GLIS3: variants seen among roughly 807,000 people sequenced by gnomAD.
The protein encoded by GLIS3 is zinc finger protein GLIS3.
A neutral mutation model predicts 78.6 loss-of-function variants in GLIS3; 53 were observed. The observed-to-expected ratio is 0.67, with a 90% CI of 0.54 to 0.85. GLIS3 has a LOEUF of 0.85. GLIS3 is among the 40% of genes least tolerant of loss of function. The pLI is 0.00. For synonymous variants in GLIS3, 684 were observed against 509.9 expected (o/e 1.34, Z -4.60); for missense variants, 1,703 against 1,231.1 (o/e 1.38, Z -5.74).
At chr9:4,073,572 A>G (rs1827796210) in intron 4 of GLIS3, among the ~76,000 whole-genome samples, 1 of 152,162 alleles carries the variant, frequency 6.6e-6, no homozygotes, top group African/African-American at 2.4e-5. Context: ...ACAGCTGCAA[A>G]GCAGAAACTC....
At chr9:4,227,858 C>T (rs368192808) in intron 2 of GLIS3, among the ~76,000 whole-genome samples, 43 of 152,360 alleles carry the variant, frequency 2.8e-4, no homozygotes, top group African/African-American at 8.2e-4. Context: ...AAATGTTCTT[C>T]ACTTCCCATT....
chr9:3,999,139 T>C (rs1396003712), intron 4 of GLIS3, among the ~76,000 whole-genome samples: 1 of 152,180 alleles, frequency 6.6e-6, no homozygotes, highest in Non-Finnish European at 1.5e-5. Flanking sequence ...AGCTTCATAG[T>C]ATTCAACTGT....
chr9:3,971,337 G>A (rs1818368987), intron 4 of GLIS3, among the ~76,000 whole-genome samples: 1 of 152,116 alleles, frequency 6.6e-6, no homozygotes, highest in Non-Finnish European at 1.5e-5. Flanking sequence ...TGGTGTCACT[G>A]GCACAAAGCA....
intron 4 of GLIS3, among the ~76,000 whole-genome samples, chr9:4,062,310 A>G (rs1564001172): frequency 1.3e-5 from 2 of 152,206 alleles, no homozygotes; most frequent in Non-Finnish European, 2.9e-5. Flanking sequence ...TCAGTTTCCC[A>G]TATTGAAAAT....
At chr9:4,335,309 T>A (rs1167446603) in intron 2 of GLIS3, among the ~76,000 whole-genome samples, 1 of 152,114 alleles carries the variant, frequency 6.6e-6, no homozygotes, top group Non-Finnish European at 1.5e-5. Context: ...TACCACAAAG[T>A]GAAATGAAGC....
intron 4 of GLIS3, among the ~76,000 whole-genome samples, chr9:4,069,028 T>C (rs1588594426): frequency 6.6e-6 from 1 of 152,154 alleles, no homozygotes; most frequent in Admixed American, 6.6e-5. Flanking sequence ...GGCTTGTTCA[T>C]GTCAGGCCAA....
chr9:3,978,670 T>A (rs969769282), intron 4 of GLIS3, among the ~76,000 whole-genome samples: 1 of 152,028 alleles, frequency 6.6e-6, no homozygotes, highest in Non-Finnish European at 1.5e-5. Flanking sequence ...CATGAACATG[T>A]ACTTTCTATA....
chr9:4,303,013 A>T, upstream of GLIS3, among the ~76,000 whole-genome samples: 1 of 152,206 alleles, frequency 6.6e-6, no homozygotes, highest in Non-Finnish European at 1.5e-5. Flanking sequence ...TCAAAGCTAG[A>T]GTACAAAATA....
chr9:4,013,905 A>G (rs1822235960), intron 4 of GLIS3, among the ~76,000 whole-genome samples: 1 of 152,212 alleles, frequency 6.6e-6, no homozygotes. Context: ...TAGGCCCTTC[A>G]TGTACAGTTG....
chr9:4,398,681 T>TG, the GLIS3 span, among the ~76,000 whole-genome samples: 5 of 151,874 alleles, frequency 3.3e-5, no homozygotes, highest in Non-Finnish European at 7.4e-5. Context: ...CTTAAGCTCT[T>TG]TTGTTGTTGT....
intron 4 of GLIS3, among the ~76,000 whole-genome samples, chr9:3,963,389 G>T (rs555175639): frequency 1.3e-5 from 2 of 152,276 alleles, no homozygotes; most frequent in South Asian, 2.1e-4. Context: ...TGCTCCCCCA[G>T]TATCACTGGC....
chr9:4,068,850 G>T (rs552343417), intron 4 of GLIS3, among the ~76,000 whole-genome samples: 31 of 150,092 alleles, frequency 2.1e-4, no homozygotes, highest in African/African-American at 7.0e-4. Flanking sequence ...GTGTGTGTGT[G>T]TGTGTGTTTA....
At chr9:3,987,709 GA>G (rs1316323860) in intron 4 of GLIS3, among the ~76,000 whole-genome samples, 1 of 43,060 alleles carries the variant, frequency 2.3e-5, no homozygotes, top group Non-Finnish European at 4.6e-5. Context: ...AAAAAAAAAA[GA>G]AAAAGAAAAG....
chr9:3,871,002 G>GA lies in GLIS3; in HGVS notation c.2297+8424dup, dbSNP rs1486539395. On this transcript the variant is annotated intron_variant, in intron 8 of 10. Coordinates refer to ENST00000381971, the MANE Select transcript of GLIS3 (RefSeq NM_001042413.2). Reference sequence around the variant, plus strand: ...CTACTTATTTCCCAGATACAATGGGGATACAGACACTGGGTAAATATAACC... The same window carrying GA: ...CTACTTATTTCCCAGATACAATGGGGAATACAGACACTGGGTAAATATAACC... Among the ~76,000 whole-genome samples the GA allele has an allele frequency of 2.0e-5, 3 of 152,186 alleles. No homozygotes were observed. In the East Asian group the frequency reaches 5.8e-4, roughly 29 times the overall value.
intron 2 of GLIS3, chr9:4,285,718 G>C (rs529179077): frequency 5.2e-5 from 19 of 363,088 alleles, no homozygotes; most frequent in African/African-American, 3.3e-4. Context: ...TGTATCCGGA[G>C]GGCATGATCT....
At chr9:4,270,796 A>T (rs1048383780) in intron 2 of GLIS3, among the ~76,000 whole-genome samples, 1 of 152,194 alleles carries the variant, frequency 6.6e-6, no homozygotes, top group Non-Finnish European at 1.5e-5. Context: ...CCAGGTCTCC[A>T]GCTTGCTGAC....
At chr9:4,291,774 G>A (rs560837001) in intron 1 of GLIS3, among the ~76,000 whole-genome samples, 39 of 152,204 alleles carry the variant, frequency 2.6e-4, no homozygotes, top group Non-Finnish European at 4.6e-4. Flanking sequence ...GGAATACACC[G>A]CTCGAGGGCA....
At chr9:4,419,678 G>A in the GLIS3 span, among the ~76,000 whole-genome samples, 4 of 152,170 alleles carry the variant, frequency 2.6e-5, no homozygotes, top group African/African-American at 7.2e-5. Context: ...TACTTGGGAG[G>A]CTGAGGCAGG....
At chr9:3,833,794 G>A (rs1818187634) in intron 9 of GLIS3, among the ~76,000 whole-genome samples, 2 of 152,092 alleles carry the variant, frequency 1.3e-5, no homozygotes, top group Non-Finnish European at 2.9e-5. Flanking sequence ...AAGTTATTTT[G>A]CCTTCAAGAA....
Sources: gnomAD v4.1 joint callset for allele counts (sites outside exome capture counted in the v4.1 genomes callset) on GRCh38, gnomAD v4.1.1 for gene constraint, MANE v1.5 for transcripts, NCBI Gene and HGNC (gene_info 2026-07-23, HGNC 2026-07-21) for gene names.